The following STK32B variants were observed in gnomAD, a reference collection of about 807,000 sequenced individuals.
The protein encoded by STK32B is serine/threonine-protein kinase 32B.
Under a neutral mutation model 52.6 loss-of-function variants are expected in STK32B, and 43 were observed. The ratio of observed to expected loss-of-function variants is 0.82; its 90% CI spans 0.64 to 1.05. The LOEUF (loss-of-function observed/expected upper bound fraction) is 1.05. Ranked by LOEUF, STK32B falls within the 50% of genes least tolerant of loss-of-function variation. The pLI is 0.00. For synonymous variants in STK32B, 238 were observed against 204.3 expected (o/e 1.17, Z -1.41); for missense variants, 621 against 534.6 (o/e 1.16, Z -1.59).
chr4:5,297,254 CTT>C (rs1351467214), intron 3 of STK32B, among the ~76,000 whole-genome samples: 2 of 152,102 alleles, frequency 1.3e-5, no homozygotes, highest in African/African-American at 4.8e-5. Flanking sequence ...GATTGTATGT[CTT>C]TGGGTTGCTC....
chr4:5,153,057 G>T (rs1470079367), intron 2 of STK32B, among the ~76,000 whole-genome samples: 1 of 152,180 alleles, frequency 6.6e-6, no homozygotes, highest in African/African-American at 2.4e-5. Flanking sequence ...TCCTGGAGAG[G>T]ACCCCACTGC....
rs1411663179 is a variant in STK32B at position 5,407,652 on chromosome 4, G to C, written c.473-9193G>C. On this transcript the variant is annotated intron_variant, in intron 5 of 11. Coordinates refer to ENST00000282908, the MANE Select transcript of STK32B (RefSeq NM_018401.3). ...TCCTCACATGGATGGCAGGAGTTTG[G>C]GGGGTGGGGGAGAAGTGCTACACAC... Among the ~76,000 whole-genome samples the C allele has an allele frequency of 7.2e-5, 11 of 152,162 alleles. No homozygotes were observed. The East Asian group carries it at 1.5e-3, about 21-fold the overall frequency.
intron 6 of STK32B, among the ~76,000 whole-genome samples, chr4:5,420,125 C>T (rs1347814842): frequency 6.6e-6 from 1 of 152,058 alleles, no homozygotes; most frequent in African/African-American, 2.4e-5. Flanking sequence ...GGGTGACTTC[C>T]CCATGTTGAC....
At chr4:5,314,870 T>A (rs1438228070) in intron 3 of STK32B, among the ~76,000 whole-genome samples, 3 of 152,146 alleles carry the variant, frequency 2.0e-5, no homozygotes, top group African/African-American at 7.2e-5. Flanking sequence ...AATTTTATTT[T>A]AAAAATATAA....
intron 2 of STK32B, among the ~76,000 whole-genome samples, chr4:5,141,955 C>T (rs569064148): frequency 6.6e-6 from 1 of 151,480 alleles, no homozygotes; most frequent in Non-Finnish European, 1.5e-5. Context: ...GGACTTCCCC[C>T]CTGGAACCTC....
chr4:5,093,223 G>A (rs1033213329), intron 1 of STK32B, among the ~76,000 whole-genome samples: 1 of 152,134 alleles, frequency 6.6e-6, no homozygotes, highest in Admixed American at 6.6e-5. Context: ...ACCATAAAAT[G>A]TATACAAATC....
intron 1 of STK32B, among the ~76,000 whole-genome samples, chr4:5,062,874 G>A (rs924007430): frequency 6.6e-6 from 1 of 152,090 alleles, no homozygotes; most frequent in African/African-American, 2.4e-5. Context: ...ATAATTTGGT[G>A]TTTTCACTCA....
intron 3 of STK32B, among the ~76,000 whole-genome samples, chr4:5,176,957 A>T (rs1417318709): frequency 2.0e-5 from 3 of 152,202 alleles, no homozygotes; most frequent in East Asian, 1.9e-4. Flanking sequence ...TCTGGGCCTC[A>T]ACTTCCTCAC....
At chr4:5,474,535 G>C (rs1403550392) in intron 11 of STK32B, among the ~76,000 whole-genome samples, 2 of 152,306 alleles carry the variant, frequency 1.3e-5, no homozygotes, top group African/African-American at 4.8e-5. Context: ...CTGCAAAATG[G>C]AGAAAACCCT....
chr4:5,446,380 A>G (rs866178022), intron 6 of STK32B, among the ~76,000 whole-genome samples: 1 of 152,290 alleles, frequency 6.6e-6, no homozygotes, highest in Non-Finnish European at 1.5e-5. Context: ...AGCCTGGCCA[A>G]CAAGGTGAAA....
Position 5,500,725 on chromosome 4 carries a change from G to C in STK32B, c.*1642G>C, listed in dbSNP as rs1251313916. The C allele has an allele frequency of 6.6e-6, 1 of 152,060 alleles. No individual in the cohort carries two copies. Among genetic ancestry groups the C allele is most frequent in the East Asian group, 1.9e-4 (1 of 5,192 alleles). The allele number at this position is 152,060 out of a possible 1,614,324, so 9.4% of individuals were successfully genotyped here. On this transcript the variant is annotated 3_prime_UTR_variant, in exon 12 of 12. Coordinates refer to ENST00000282908, the MANE Select transcript of STK32B (RefSeq NM_018401.3). ...AACCGAGACTATTTCTGGATTGTGT[G>C]CTCCTCGTCAGTTGACTTGTTTTGC...
Position 5,401,967 on chromosome 4 carries a change from C to T in STK32B, c.472+3723C>T, listed in dbSNP as rs543846110. ...TAAACCCACTCCAATGTCTGAGGCT[C>T]AACTGGCTGTCAGCCGATCCCCTCT... On this transcript the variant is annotated intron_variant, in intron 5 of 11. Transcript: ENST00000282908. Among the ~76,000 whole-genome samples, 6 of 152,352 alleles carry T rather than the reference C, an allele frequency of 3.9e-5. No homozygotes were observed. In the South Asian group the frequency reaches 1.2e-3, roughly 32 times the overall value.
At chr4:5,036,659 A>ATTTT in the STK32B span, among the ~76,000 whole-genome samples, 2 of 74,202 alleles carry the variant, frequency 2.7e-5, no homozygotes, top group Non-Finnish European at 2.4e-5. Context: ...GCAAGGGTGG[A>ATTTT]TTTTTTTTTT....
intron 1 of STK32B, among the ~76,000 whole-genome samples, chr4:5,087,864 T>C (rs1478339021): frequency 6.6e-6 from 1 of 152,008 alleles, no homozygotes; most frequent in Non-Finnish European, 1.5e-5. Context: ...ACTTAAATAC[T>C]CTACTTTCAA....
intron 3 of STK32B, among the ~76,000 whole-genome samples, chr4:5,248,728 G>A (rs143191145): frequency 0.072 from 10,998 of 152,092 alleles, 575 homozygotes; most frequent in African/African-American, 0.15. Context: ...CATATACACC[G>A]TGGAATACTA....
chr4:5,106,141 A>G lies in STK32B; in HGVS notation c.53-33764A>G, dbSNP rs138779801. 2.2e-3 allele frequency among the ~76,000 whole-genome samples: 337 copies of G among 151,876 alleles called. 1 individual carries two copies. The highest frequency in any genetic ancestry group is 7.7e-3 in the African/African-American group (321 of 41,452). ...AACACGATGAAACCCCACCTCTGCT[A>G]AAAAAGAAAAAATTGCTGGGCATGG... On this transcript the variant is annotated intron_variant, in intron 1 of 11. Transcript: ENST00000282908.
At chr4:5,480,329 C>T (rs1338935663) in intron 11 of STK32B, among the ~76,000 whole-genome samples, 1 of 152,102 alleles carries the variant, frequency 6.6e-6, no homozygotes, top group East Asian at 1.9e-4. Flanking sequence ...CATATATGTG[C>T]CCAAGGTGGT....
At chr4:5,222,191 C>T (rs1723581136) in intron 3 of STK32B, among the ~76,000 whole-genome samples, 1 of 152,108 alleles carries the variant, frequency 6.6e-6, no homozygotes, top group South Asian at 2.1e-4. Context: ...ACCACCAAGG[C>T]TCAGATATTT....
At chr4:5,097,777 G>A (rs569235517) in intron 1 of STK32B, among the ~76,000 whole-genome samples, 37 of 152,362 alleles carry the variant, frequency 2.4e-4, no homozygotes, top group South Asian at 1.0e-3. Flanking sequence ...TGCTAAGTAA[G>A]GAGGGCAGTG....
Sources: allele counts gnomAD v4.1 joint callset (sites outside exome capture counted in the v4.1 genomes callset), GRCh38; gene constraint gnomAD v4.1.1; transcripts MANE v1.5; gene names NCBI Gene and HGNC (gene_info 2026-07-23, HGNC 2026-07-21).